The following PCDHGB1 variants were observed in gnomAD, a reference collection of about 807,000 sequenced individuals.
The protein encoded by PCDHGB1 is protocadherin gamma subfamily B, 1.
A neutral mutation model predicts 56.6 loss-of-function variants in PCDHGB1; 34 were observed. That is an observed-to-expected ratio of 0.60 (90% CI 0.46 to 0.80). The LOEUF is 0.80. PCDHGB1 is among the 30% of genes least tolerant of loss of function. PCDHGB1 has a pLI of 0.00. For missense variants in PCDHGB1, 1,278 were observed against 1,204.6 expected (o/e 1.06, Z -0.90); for synonymous variants, 561 against 505.9 (o/e 1.11, Z -1.46).
chr5:141,468,853 G>A (rs893773356), intron 1 of PCDHGB1, among the ~76,000 whole-genome samples: 7 of 151,000 alleles, frequency 4.6e-5, no homozygotes, highest in Admixed American at 6.6e-5. Context: ...GCAACAGAGC[G>A]AGACTCCATC....
chr5:141,361,410 C>G (rs759239364), intron 1 of PCDHGB1: 5 of 1,614,054 alleles, frequency 3.1e-6, no homozygotes, highest in Non-Finnish European at 2.5e-6. Context: ...TCACAGCCAC[C>G]GACGGGGGCA....
At position 141,352,366 on chromosome 5, in the gene PCDHGB1, G is replaced by T. The variant is rs186670703; in HGVS notation, c.2106G>T (p.Ala702=). ...TGATCTCAGTGCTCTTTCTCCTCGC[G>T]GTGATTCTAGCGATCGCCCTGCGCC... The part of the protein sequence containing the change: ...LALISVLFLL[A]VILAIALRLR... Residue 702 remains alanine, a synonymous_variant, in exon 1 of 4, where the codon GCG becomes GCT. Transcript: ENST00000523390. The T allele has an allele frequency of 3.3e-4, 532 of 1,614,022 alleles. 2 individuals are homozygous for T. In the East Asian group the frequency reaches 7.1e-3, roughly 22 times the overall value.
Position 141,476,676 on chromosome 5 carries a change from G to T in PCDHGB1, c.2410-18131G>T. 1.2e-6 allele frequency: 2 copies of T among 1,614,222 alleles called. No individual in the cohort carries two copies. The highest frequency in any genetic ancestry group is 1.7e-6 in the Non-Finnish European group (2 of 1,180,054). ...TACTTTGCGCTTCGCGTGCAGACGC[G>T]GGAGGACAGCACCAAGTACGCGGAG... On this transcript the variant is annotated intron_variant, in intron 1 of 3. Transcript: ENST00000523390. The surrounding 1 kb of genome is among the most constrained non-coding windows in gnomAD (Gnocchi z 7.6).
chr5:141,413,739 C>A (rs748041372), intron 1 of PCDHGB1: 1 of 1,613,424 alleles, frequency 6.2e-7, no homozygotes, highest in South Asian at 1.1e-5. Context: ...GAGTTCAGAG[C>A]CGTGCCAATG....
chr5:141,486,337 C>T lies in PCDHGB1; in HGVS notation c.2410-8470C>T, dbSNP rs116799150. On this transcript the variant is annotated intron_variant, in intron 1 of 3. Coordinates refer to ENST00000523390, the MANE Select transcript of PCDHGB1 (RefSeq NM_018922.3). The surrounding 1 kb of genome is among the most constrained non-coding windows in gnomAD (Gnocchi z 5.0). ...GGTCAAACGGAGATGTGAGCCTCCG[C>T]ATTCCTGACCACTTGCCATTTGCCC... 1 of 1,614,076 alleles carries T rather than the reference C, an allele frequency of 6.2e-7. No homozygotes were observed. Among genetic ancestry groups the T allele is most frequent in the Non-Finnish European group, 8.5e-7 (1 of 1,179,966 alleles).
At position 141,431,248 on chromosome 5, in the gene PCDHGB1, G is replaced by T. The variant is rs1213088915; in HGVS notation, c.2410-63559G>T. ...CCCACGCCTGGGATCCGGATATCGG[G>T]AAGAACTCTCTGCAGAGCTACGAGC... On this transcript the variant is annotated intron_variant, in intron 1 of 3. Coordinates refer to ENST00000523390, the MANE Select transcript of PCDHGB1 (RefSeq NM_018922.3). The surrounding 1 kb of genome is among the most constrained non-coding windows in gnomAD (Gnocchi z 4.8). 6.2e-7 allele frequency: 1 copy of T among 1,614,022 alleles called. No individual in the cohort carries two copies. The highest frequency in any genetic ancestry group is 8.5e-7 in the Non-Finnish European group (1 of 1,180,056).
At position 141,511,319 on chromosome 5, in the gene PCDHGB1, C is replaced by T. The variant is rs2099883711; in HGVS notation, c.*146C>T. On this transcript the variant is annotated 3_prime_UTR_variant, in exon 4 of 4. Coordinates refer to ENST00000523390, the MANE Select transcript of PCDHGB1 (RefSeq NM_018922.3). ...CCATGCTCCCCTTGGGAAACAGAAA[C>T]AAGTGCCCAGTCAGCACCTACCCCT... 1.4e-6 allele frequency: 2 copies of T among 1,477,302 alleles called. No homozygotes were observed. The highest frequency in any genetic ancestry group is 1.4e-5 in the African/African-American group (1 of 70,920). 91.5% of individuals were successfully genotyped at this position (1,477,302 alleles called of 1,614,324 possible).
rs754728562 is a variant in PCDHGB1, at chr5:141,489,487, G to A, written c.2410-5320G>A. 6.2e-7 allele frequency: 1 copy of A among 1,613,942 alleles called. No individual in the cohort carries two copies. On this transcript the variant is annotated intron_variant, in intron 1 of 3. Coordinates refer to ENST00000523390, the MANE Select transcript of PCDHGB1 (RefSeq NM_018922.3). This position sits in a 1 kb window ranked among gnomAD's most constrained non-coding sequence, Gnocchi z 4.5. The stretch of plus-strand genomic sequence containing the variant: ...TTTTTCCCTGAGCTTGATGAGTGGT[G>A]CCCTGGCAGTGAATCAAAAGATTGA...
At position 141,370,970 on chromosome 5, in the gene PCDHGB1, A is replaced by G. The variant is rs773655204; in HGVS notation, c.2409+18301A>G. The G allele has an allele frequency of 4.3e-6, 7 of 1,614,032 alleles. 1 individual carries two copies. Among genetic ancestry groups the G allele is most frequent in the East Asian group, 4.5e-5 (2 of 44,890 alleles). The stretch of plus-strand genomic sequence containing the variant: ...AGAACCTGGATGGCAGTAGGTACCC[A>G]GAGCTAGTACTGAAAGCACCCCTGG... On this transcript the variant is annotated intron_variant, in intron 1 of 3. Transcript: ENST00000523390.
At chr5:141,399,632 C>A in intron 1 of PCDHGB1, 2 of 1,613,894 alleles carry the variant, frequency 1.2e-6, no homozygotes, top group Non-Finnish European at 1.7e-6. Context: ...TCTTACGTGT[C>A]CATGAGCGCG....
chr5:141,460,275 A>G (rs2154566824), intron 1 of PCDHGB1, among the ~76,000 whole-genome samples: 1 of 152,098 alleles, frequency 6.6e-6, no homozygotes, highest in East Asian at 1.9e-4. Context: ...TTTTTCTTTT[A>G]TAGTTTGTAT....
At chr5:141,481,465 T>C (rs561789315) in intron 1 of PCDHGB1, among the ~76,000 whole-genome samples, 2 of 152,334 alleles carry the variant, frequency 1.3e-5, no homozygotes, top group South Asian at 2.1e-4. Context: ...CTGAAAACCA[T>C]TGGATTATAC....
At chr5:141,419,139 G>C in intron 1 of PCDHGB1, 1 of 1,613,916 alleles carries the variant, frequency 6.2e-7, no homozygotes, top group South Asian at 1.1e-5. Flanking sequence ...GCCACAGACA[G>C]GGGCAAGCCT....
In PCDHGB1 at chr5:141,351,883, C is replaced by A; in HGVS notation, c.1623C>A (p.Asn541Lys). The A allele has an allele frequency of 6.2e-7, 1 of 1,613,370 alleles. No homozygotes were observed. The highest frequency in any genetic ancestry group is 8.5e-7 in the Non-Finnish European group (1 of 1,179,750). ...RDQGSPALSA[N>K]VSLRVLVGDL... ...AGGGCTCCCCCGCGCTCAGCGCCAA[C>A]GTGAGCCTGCGCGTGTTGGTGGGCG... is the stretch of plus-strand genomic sequence containing the variant. The change falls in exon 1 of 4, where the codon AAC (asparagine) becomes AAA (lysine). Residue 541 changes from asparagine (N) to lysine (K), a missense_variant. Transcript: ENST00000523390.
chr5:141,355,171 A>C (rs1759739774), intron 1 of PCDHGB1: 1 of 1,572,168 alleles, frequency 6.4e-7, no homozygotes, highest in Non-Finnish European at 8.6e-7. Flanking sequence ...GGGAAAACCG[A>C]AGCACAGGCG....
chr5:141,417,884 C>A, intron 1 of PCDHGB1: 2 of 1,561,600 alleles, frequency 1.3e-6, no homozygotes, highest in East Asian at 2.4e-5. Flanking sequence ...CGCGCAGAGG[C>A]GCCGGGCCGG....
chr5:141,391,523 A>T (rs2092383458), intron 1 of PCDHGB1: 1 of 152,140 alleles, frequency 6.6e-6, no homozygotes, highest in Non-Finnish European at 1.5e-5. Context: ...CACTAATTTA[A>T]CTGGTATGGT....
At position 141,350,304 on chromosome 5, in the gene PCDHGB1, T is replaced by C. The variant is rs1159317913; in HGVS notation, c.44T>C (p.Leu15Pro). 2.0e-6 allele frequency: 3 copies of C among 1,521,476 alleles called. No individual in the cohort carries two copies. Among genetic ancestry groups the C allele is most frequent in the Non-Finnish European group, 2.6e-6 (3 of 1,136,788 alleles). 94.2% of individuals were successfully genotyped at this position (1,521,476 alleles called of 1,614,324 possible). A position where few individuals can be genotyped will look rare whatever the true frequency, so the allele number is the denominator to read the frequency against. The change falls in exon 1 of 4, where the codon CTG becomes CCG. Residue 15 changes from leucine to proline, a missense_variant. By Grantham distance (98) the Leu-to-Pro change is moderately conservative. Coordinates refer to ENST00000523390, the MANE Select transcript of PCDHGB1 (RefSeq NM_018922.3). ...REAEMMKSQV[L>P]FPFLLSLFCG... ...GCCGAAATGATGAAAAGTCAGGTACTGTTTCCCTTCCTGCTGTCTTTGTTC... is the reference window on the plus strand; with the variant it reads ...GCCGAAATGATGAAAAGTCAGGTACCGTTTCCCTTCCTGCTGTCTTTGTTC...
chr5:141,394,269 C>T (rs367765478), intron 1 of PCDHGB1: 2 of 1,613,948 alleles, frequency 1.2e-6, no homozygotes, highest in Admixed American at 3.3e-5. Context: ...GGAGAATGCC[C>T]AGGTCACTTA....
Sources: allele counts gnomAD v4.1 joint callset (sites outside exome capture counted in the v4.1 genomes callset), GRCh38; gene constraint gnomAD v4.1.1; non-coding constraint Gnocchi (gnomAD v3.1); transcripts MANE v1.5; gene names NCBI Gene and HGNC (gene_info 2026-07-23, HGNC 2026-07-21).